MTHFD1L: variants seen among roughly 807,000 people sequenced by gnomAD.
The protein encoded by MTHFD1L is monofunctional C1-tetrahydrofolate synthase, mitochondrial.
A neutral mutation model predicts 119.5 loss-of-function variants in MTHFD1L; 81 were observed. The observed-to-expected ratio is 0.68, with a 90% CI of 0.57 to 0.82. MTHFD1L has a LOEUF of 0.82. Ranked by LOEUF, MTHFD1L falls within the 40% of genes least tolerant of loss-of-function variation. The pLI is 0.00. For synonymous variants in MTHFD1L, 430 were observed against 475.2 expected, an observed-to-expected ratio of 0.90 and a Z score of 1.24; for missense variants, 1,125 against 1,253.4, an observed-to-expected ratio of 0.90 and a Z score of 1.55.
In MTHFD1L at chr6:150,905,628, GTT is replaced by G; in HGVS notation, c.781-16_781-15del. 6.3e-7 allele frequency: 1 copy of G among 1,582,002 alleles called. No individual in the cohort carries two copies. The highest frequency in any genetic ancestry group is 8.7e-7 in the Non-Finnish European group (1 of 1,150,952). On this transcript the variant is annotated intron_variant, in intron 7 of 27. Transcript: ENST00000367321. ...TTATGCCTCAGATCAAGATGTGCGT[GTT>G]TTTTTCTTTCTCCTTTTAGCTTCAC... is the stretch of plus-strand genomic sequence containing the variant.
chr6:151,009,155 A>T (rs953103993), intron 20 of MTHFD1L, among the ~76,000 whole-genome samples: 1 of 150,100 alleles, frequency 6.7e-6, no homozygotes, highest in Non-Finnish European at 1.5e-5. Flanking sequence ...GTAAGAAAGG[A>T]TCTTCCATTG....
rs1321234279 is a variant in MTHFD1L at position 150,880,158 on chromosome 6, A to G, written c.417+2332A>G. Among the ~76,000 whole-genome samples, 23 of 152,318 alleles carry G rather than the reference A, an allele frequency of 1.5e-4. 1 individual carries two copies. Among genetic ancestry groups the G allele is most frequent in the Admixed American group, 1.3e-3 (20 of 15,288 alleles). ...TGGAAATATACAATACATTGTCATT[A>G]GCTTTAGTCACTCTACTATGTAAGA... On this transcript the variant is annotated intron_variant, in intron 4 of 27. Coordinates refer to ENST00000367321, the MANE Select transcript of MTHFD1L (RefSeq NM_015440.5).
Position 150,922,300 on chromosome 6 carries a change from A to G in MTHFD1L, c.1080A>G (p.Pro360=). The G allele has an allele frequency of 6.2e-7, 1 of 1,613,430 alleles. No homozygotes were observed. The highest frequency in any genetic ancestry group is 8.5e-7 in the Non-Finnish European group (1 of 1,179,390). Residue 360 remains proline (P), a splice_region_variant and synonymous_variant, in exon 10 of 28, where the codon CCA becomes CCG. Transcript: ENST00000367321. ...AACTTCAGCCTCTCTCCCCTGTGCC[A>G]AGGTAACACTGGTGTTTTATTTACA... ...CLKLQPLSPV[P]SDIEISRGQT...
intron 20 of MTHFD1L, among the ~76,000 whole-genome samples, chr6:150,988,021 T>C (rs1778545461): frequency 6.6e-6 from 1 of 152,204 alleles, no homozygotes; most frequent in Non-Finnish European, 1.5e-5. Context: ...CAATGAGATA[T>C]TCAGCCCATC....
chr6:151,080,045 T>C lies in MTHFD1L; in HGVS notation c.2848-12422T>C, dbSNP rs183889639. Among the ~76,000 whole-genome samples, 225 of 151,684 alleles carry C rather than the reference T, an allele frequency of 1.5e-3. 2 individuals are homozygous for C. The highest frequency in any genetic ancestry group is 5.1e-3 in the African/African-American group (213 of 41,406). On this transcript the variant is annotated intron_variant, in intron 26 of 27. Transcript: ENST00000367321. ...CAAAAAAAATAGCTGGGCGTGGTAG[T>C]GCACATCCATAAATCCCAGCCACTC...
At chr6:150,900,593 A>T (rs933063560) in intron 7 of MTHFD1L, among the ~76,000 whole-genome samples, 2 of 152,176 alleles carry the variant, frequency 1.3e-5, no homozygotes, top group Admixed American at 1.3e-4. Context: ...AGGAGATCTC[A>T]GTATCTTGCT....
At chr6:151,077,429 G>A (rs1792640377) in intron 26 of MTHFD1L, among the ~76,000 whole-genome samples, 1 of 151,892 alleles carries the variant, frequency 6.6e-6, no homozygotes, top group Non-Finnish European at 1.5e-5. Context: ...AATCACCTGA[G>A]GTCAGGAATT....
chr6:150,865,831 G>C lies in MTHFD1L; in HGVS notation c.9G>C (p.Thr3=). Residue 3 remains threonine, a synonymous_variant, in exon 1 of 28, where the codon ACG becomes ACC. Transcript: ENST00000367321. The part of the protein sequence containing the change: MG[T]RLPLVLRQLR... ...ACCAGCCGTCCCGCGCCATGGGCAC[G>C]CGTCTGCCGCTCGTCCTGCGCCAGC... The C allele has an allele frequency of 5.5e-6, 7 of 1,266,684 alleles. No individual in the cohort carries two copies. In the South Asian group the frequency reaches 1.4e-4, roughly 25 times the overall value. The allele number at this position is 1,266,684 out of a possible 1,614,324, so 78.5% of individuals were successfully genotyped here.
chr6:150,876,198 C>A, intron 2 of MTHFD1L, 24 bp downstream of exon 2: 1 of 1,514,070 alleles, frequency 6.6e-7, no homozygotes, highest in Non-Finnish European at 8.9e-7. Flanking sequence ...AAGGTTCAGT[C>A]CTACTATTTT....
chr6:151,037,228 G>A, intron 26 of MTHFD1L, 111 bp downstream of exon 26: 1 of 1,100,162 alleles, frequency 9.1e-7, no homozygotes. Context: ...AAAATTGGGA[G>A]TAATTAATAG....
At position 151,097,629 on chromosome 6, in the gene MTHFD1L, TG is replaced by T. The variant is rs1794993492; in HGVS notation, c.*32-3895del. 3.3e-5 allele frequency among the ~76,000 whole-genome samples: 5 copies of T among 152,296 alleles called. No homozygotes were observed. The South Asian group carries it at 1.0e-3, about 32-fold the overall frequency. On this transcript the variant is annotated intron_variant, in intron 27 of 27. Coordinates refer to ENST00000367321, the MANE Select transcript of MTHFD1L (RefSeq NM_015440.5). ...CTGGGAGGAGGTTATGAAGAAAGGT[TG>T]GTTATGGGTACAAACATACAGTTAG... is the stretch of plus-strand genomic sequence containing the variant.
intron 26 of MTHFD1L, among the ~76,000 whole-genome samples, chr6:151,058,269 C>T (rs1366639436): frequency 6.6e-6 from 1 of 152,210 alleles, no homozygotes; most frequent in Non-Finnish European, 1.5e-5. Context: ...CAGCAAGACC[C>T]TCTGGGTGGG....
intron 26 of MTHFD1L, among the ~76,000 whole-genome samples, chr6:151,056,633 C>T (rs968639418): frequency 5.9e-5 from 9 of 152,182 alleles, no homozygotes; most frequent in Admixed American, 5.9e-4. Flanking sequence ...TTTTGAGGGA[C>T]ACTGGTGCTG....
At chr6:150,932,810 G>GGGAA (rs149367455) in intron 11 of MTHFD1L, among the ~76,000 whole-genome samples, 32,140 of 129,660 alleles carry the variant, frequency 0.25, 6,235 homozygotes, top group African/African-American at 0.46. Flanking sequence ...GAGGAAGAGA[G>GGGAA]GGAGGGAGGA....
At chr6:150,871,588 G>A (rs1251335291) in intron 1 of MTHFD1L, among the ~76,000 whole-genome samples, 5 of 132,404 alleles carry the variant, frequency 3.8e-5, no homozygotes, top group African/African-American at 1.1e-4. Flanking sequence ...TGGAACCTCC[G>A]CCTCTCAGGT....
chr6:150,876,281 T>A (rs1249771228), intron 2 of MTHFD1L, 107 bp downstream of exon 2: 4 of 894,112 alleles, frequency 4.5e-6, no homozygotes, highest in Non-Finnish European at 4.9e-6. Context: ...AGGAGAGGGC[T>A]CAGTTGGCAA....
chr6:150,867,794 C>CTTTT (rs35396368), intron 1 of MTHFD1L, among the ~76,000 whole-genome samples: 35 of 115,918 alleles, frequency 3.0e-4, no homozygotes, highest in Non-Finnish European at 3.0e-4. Context: ...CATACATATT[C>CTTTT]TTTTTTTTTT....
At chr6:151,049,257 C>T (rs887708920) in intron 26 of MTHFD1L, among the ~76,000 whole-genome samples, 15 of 152,108 alleles carry the variant, frequency 9.9e-5, no homozygotes, top group Non-Finnish European at 1.9e-4. Context: ...TTTGGGAGGC[C>T]GAGGCAGGCA....
intron 9 of MTHFD1L, among the ~76,000 whole-genome samples, chr6:150,919,086 C>A (rs1025240242): frequency 6.6e-6 from 1 of 151,512 alleles, no homozygotes; most frequent in African/African-American, 2.4e-5. Context: ...TCGCTTGAAC[C>A]CAGGAGACAG....
Sources: gnomAD v4.1 joint callset for allele counts (sites outside exome capture counted in the v4.1 genomes callset) on GRCh38, gnomAD v4.1.1 for gene constraint, MANE v1.5 for transcripts, NCBI Gene and HGNC (gene_info 2026-07-23, HGNC 2026-07-21) for gene names.